Variants in LEPR observed in about 807,000 individuals in gnomAD.
LEPR encodes leptin receptor, also known as OB receptor.
Under a neutral mutation model 114.7 loss-of-function variants are expected in LEPR, and 56 were observed. That is an observed-to-expected ratio of 0.49 (90% confidence interval 0.39 to 0.61). The LOEUF (loss-of-function observed/expected upper bound fraction) is 0.61. LEPR is among the 20% of genes least tolerant of loss of function. The pLI, the probability that LEPR is intolerant of heterozygous loss-of-function variation, is 0.00. For missense variants in LEPR, 1,202 were observed against 1,352.9 expected (o/e 0.89, Z 1.75); for synonymous variants, 443 against 461.4 (o/e 0.96, Z 0.51).
chr1:65,547,661 T>C (rs1160844841), intron 2 of LEPR, among the ~76,000 whole-genome samples: 1 of 151,222 alleles, frequency 6.6e-6, no homozygotes, highest in East Asian at 1.9e-4. Context: ...ATATCCCCTT[T>C]ATCATTTTTT....
intron 2 of LEPR, among the ~76,000 whole-genome samples, chr1:65,517,916 G>C (rs1364354447): frequency 6.6e-5 from 10 of 152,194 alleles, no homozygotes; most frequent in Non-Finnish European, 1.3e-4. Context: ...GTTTACAGGA[G>C]CTACATAGAA....
intron 2 of LEPR, among the ~76,000 whole-genome samples, chr1:65,451,627 A>G (rs1328297258): frequency 6.6e-6 from 1 of 152,070 alleles, no homozygotes; most frequent in Non-Finnish European, 1.5e-5. Context: ...GTTCTGTTCC[A>G]CTGATCTATA....
chr1:65,630,862 T>C (rs2101037137), intron 19 of LEPR, among the ~76,000 whole-genome samples: 1 of 152,306 alleles, frequency 6.6e-6, no homozygotes, highest in Non-Finnish European at 1.5e-5. Context: ...TTGCTAGAAA[T>C]ACCAATTCGA....
chr1:65,576,928 C>A, intron 5 of LEPR: 1 of 355,832 alleles, frequency 2.8e-6, no homozygotes, highest in South Asian at 2.9e-5. Flanking sequence ...TGTCCAAGTT[C>A]CTGGAAATAC....
chr1:65,577,061 G>T, intron 5 of LEPR: 1 of 227,170 alleles, frequency 4.4e-6, no homozygotes, highest in South Asian at 7.0e-5. Flanking sequence ...GCCCTCAGTT[G>T]AATCCTCCAC....
chr1:65,451,325 T>C (rs1300454513), intron 2 of LEPR, among the ~76,000 whole-genome samples: 1 of 152,212 alleles, frequency 6.6e-6, no homozygotes, highest in Non-Finnish European at 1.5e-5. Flanking sequence ...CCATTGCTCT[T>C]GGTGTTTTAG....
chr1:65,585,114 G>C (rs947353524), intron 5 of LEPR, among the ~76,000 whole-genome samples: 3 of 151,952 alleles, frequency 2.0e-5, no homozygotes, highest in Non-Finnish European at 4.4e-5. Flanking sequence ...TTTATGATGA[G>C]TCTAGTCTGG....
chr1:65,586,829 A>G (rs887148043), intron 5 of LEPR, among the ~76,000 whole-genome samples: 30 of 152,162 alleles, frequency 2.0e-4, no homozygotes, highest in African/African-American at 7.0e-4. Flanking sequence ...CCAACAAACA[A>G]TGAATTACTA....
At chr1:65,522,771 T>A (rs1407891064) in intron 2 of LEPR, among the ~76,000 whole-genome samples, 1 of 152,166 alleles carries the variant, frequency 6.6e-6, no homozygotes, top group Non-Finnish European at 1.5e-5. Flanking sequence ...TAGTATTGAT[T>A]TTTTTTCAAA....
chr1:65,433,321 C>T, intron 2 of LEPR: 1 of 985,380 alleles, frequency 1.0e-6, no homozygotes, highest in Non-Finnish European at 1.2e-6. Flanking sequence ...TCCTGTAGGT[C>T]TTTTCTATAT....
At chr1:65,533,847 T>G (rs1025113731) in intron 2 of LEPR, among the ~76,000 whole-genome samples, 1 of 152,176 alleles carries the variant, frequency 6.6e-6, no homozygotes, top group African/African-American at 2.4e-5. Context: ...TTAAAGCCTA[T>G]TTTGTATGAT....
chr1:65,520,030 A>G, intron 2 of LEPR, among the ~76,000 whole-genome samples: 1 of 151,728 alleles, frequency 6.6e-6, no homozygotes, highest in Non-Finnish European at 1.5e-5. Context: ...CGCCCGGCTA[A>G]TTTTTTGTAT....
chr1:65,567,536 A>G (rs1462043834), intron 3 of LEPR, among the ~76,000 whole-genome samples: 1 of 152,206 alleles, frequency 6.6e-6, no homozygotes, highest in East Asian at 1.9e-4. Flanking sequence ...CAGTATGGCC[A>G]TAGTCACATT....
intron 5 of LEPR, chr1:65,577,599 G>A (rs977667988): frequency 4.5e-5 from 8 of 178,098 alleles, no homozygotes; most frequent in East Asian, 3.1e-4. Flanking sequence ...CTGATAGCCC[G>A]TCTCTCAACT....
At chr1:65,493,297 T>C (rs981754014) in intron 2 of LEPR, among the ~76,000 whole-genome samples, 3 of 152,124 alleles carry the variant, frequency 2.0e-5, no homozygotes, top group Middle Eastern at 3.2e-3. Flanking sequence ...CAGTTCTGGT[T>C]CTTTGGTTTT....
At chr1:65,534,811 C>T (rs1200188248) in intron 2 of LEPR, among the ~76,000 whole-genome samples, 1 of 152,114 alleles carries the variant, frequency 6.6e-6, no homozygotes, top group Non-Finnish European at 1.5e-5. Flanking sequence ...TAGAGAGTCT[C>T]AGGTGCTTCT....
chr1:65,456,176 A>G (rs1224265498), intron 2 of LEPR, among the ~76,000 whole-genome samples: 1 of 151,868 alleles, frequency 6.6e-6, no homozygotes, highest in East Asian at 2.0e-4. Context: ...ACCTGCGCCC[A>G]CTGTCTGGCA....
At chr1:65,461,264 C>T (rs1406331613) in intron 2 of LEPR, among the ~76,000 whole-genome samples, 2 of 152,140 alleles carry the variant, frequency 1.3e-5, no homozygotes, top group Non-Finnish European at 2.9e-5. Context: ...CGTGAGCCAC[C>T]ATGCCTGGCC....
At chr1:65,589,270 G>GTAT (rs1655526175) in intron 5 of LEPR, among the ~76,000 whole-genome samples, 1 of 151,854 alleles carries the variant, frequency 6.6e-6, no homozygotes, top group South Asian at 2.1e-4. Context: ...TGGGTTGTTT[G>GTAT]TATTATTATT....
Sources: allele counts gnomAD v4.1 joint callset (sites outside exome capture counted in the v4.1 genomes callset), GRCh38; gene constraint gnomAD v4.1.1; transcripts MANE v1.5; gene names NCBI Gene and HGNC (gene_info 2026-07-23, HGNC 2026-07-21).